Variants in ARHGEF7 observed in about 807,000 individuals in gnomAD.
ARHGEF7 encodes Rho guanine nucleotide exchange factor 7.
Under a neutral mutation model 109.8 loss-of-function variants are expected in ARHGEF7, and 33 were observed. The ratio of observed to expected loss-of-function variants is 0.30; its 90% confidence interval spans 0.23 to 0.40. The LOEUF (loss-of-function observed/expected upper bound fraction) is 0.40. Ranked by LOEUF, ARHGEF7 falls within the 10% of genes least tolerant of loss-of-function variation. ARHGEF7 has a pLI of 1.00. For synonymous variants in ARHGEF7, 458 were observed against 424.6 expected (o/e 1.08, Z -0.97); for missense variants, 938 against 1,098.5 (o/e 0.85, Z 2.07).
chr13:111,239,976 G>A lies in ARHGEF7; in HGVS notation c.760-3896G>A, dbSNP rs2087481793. On this transcript the variant is annotated intron_variant, in intron 6 of 21. Transcript: ENST00000646102. This position sits in a 1 kb window ranked among gnomAD's most constrained non-coding sequence, Gnocchi z 4.3. ...AGACTCTACATTGGGCTGGAAGGTC[G>A]AAGGGTGACTGGCTAGATGCCTTCC... Among the ~76,000 whole-genome samples, 2 of 152,172 alleles carry A rather than the reference G, an allele frequency of 1.3e-5. No individual in the cohort carries two copies. Among genetic ancestry groups the A allele is most frequent in the South Asian group, 2.1e-4 (1 of 4,824 alleles).
chr13:111,252,106 G>A lies in ARHGEF7; in HGVS notation c.950+7812G>A, dbSNP rs774535595. The stretch of plus-strand genomic sequence containing the variant: ...TGATTTGCTTAGCACTGGGGCAGAA[G>A]CCTAGATGGCATTCCATAGAAAGCA... On this transcript the variant is annotated intron_variant, in intron 8 of 21. Coordinates refer to ENST00000646102, the MANE Select transcript of ARHGEF7 (RefSeq NM_001354046.2). Among the ~76,000 whole-genome samples, 171 of 152,218 alleles carry A rather than the reference G, an allele frequency of 1.1e-3. 1 individual carries two copies. The highest frequency in any genetic ancestry group is 1.0e-3 in the Non-Finnish European group (71 of 68,040).
At chr13:111,283,091 C>T in intron 15 of ARHGEF7, 48 bp from the exon 16 acceptor site, 1 of 1,545,936 alleles carries the variant, frequency 6.5e-7, no homozygotes. Context: ...TCGCGGTGAG[C>T]ACGCGAGTCT....
Position 111,217,833 on chromosome 13 carries a change from G to A in ARHGEF7, c.623G>A (p.Arg208Gln), listed in dbSNP as rs200218776. The A allele has an allele frequency of 4.4e-4, 704 of 1,613,922 alleles. 1 individual carries two copies. The highest frequency in any genetic ancestry group is 3.9e-4 in the Non-Finnish European group (466 of 1,179,758). The change falls in exon 5 of 22, where the codon CGG (arginine) becomes CAG (glutamine). Residue 208 changes from arginine to glutamine, a missense_variant. By Grantham distance (43) the Arg-to-Gln change is conservative. Around this residue, in one of 4 missense-constraint regions of ARHGEF7, gnomAD observed 585 missense variants for 723.6 expected, o/e 0.81. Coordinates refer to ENST00000646102, the MANE Select transcript of ARHGEF7 (RefSeq NM_001354046.2). Reference sequence around the variant, plus strand: ...TGGTGGGAGGGCACACTCAACGGCCGGACCGGCTGGTTCCCCAGCAACTAC... The same window carrying A: ...TGGTGGGAGGGCACACTCAACGGCCAGACCGGCTGGTTCCCCAGCAACTAC... ...GGWWEGTLNG[R>Q]TGWFPSNYVR...
chr13:111,138,969 C>A (rs945041826), intron 1 of ARHGEF7, among the ~76,000 whole-genome samples: 1 of 152,024 alleles, frequency 6.6e-6, no homozygotes, highest in Non-Finnish European at 1.5e-5. Context: ...AATCACCTGA[C>A]AAGGATTTCC....
chr13:111,246,516 T>G (rs1746272742), intron 8 of ARHGEF7, among the ~76,000 whole-genome samples: 1 of 152,196 alleles, frequency 6.6e-6, no homozygotes, highest in Admixed American at 6.5e-5. Context: ...ACTATCGATA[T>G]GGCAAGGAAA....
chr13:111,163,735 A>G (rs1054394905), intron 2 of ARHGEF7, among the ~76,000 whole-genome samples: 1 of 152,008 alleles, frequency 6.6e-6, no homozygotes, highest in African/African-American at 2.4e-5. Flanking sequence ...AGGTTTTGCC[A>G]TGTTGCCCAG....
At chr13:111,289,388 G>A (rs2093172686) in intron 18 of ARHGEF7, among the ~76,000 whole-genome samples, 1 of 152,170 alleles carries the variant, frequency 6.6e-6, no homozygotes, top group Admixed American at 6.5e-5. Context: ...GTGAAGCACA[G>A]CAGGGTGGCG....
chr13:111,298,829 G>T (rs1315278955), intron 19 of ARHGEF7, among the ~76,000 whole-genome samples: 1 of 152,218 alleles, frequency 6.6e-6, no homozygotes, highest in Non-Finnish European at 1.5e-5. Context: ...GCATGAGGGG[G>T]AGGGAGGGTC....
chr13:111,265,873 C>T (rs1212887595), intron 8 of ARHGEF7, among the ~76,000 whole-genome samples: 1 of 152,142 alleles, frequency 6.6e-6, no homozygotes, highest in Non-Finnish European at 1.5e-5. Flanking sequence ...ACCTCCAGAG[C>T]TGTGGGCAGT....
chr13:111,154,837 G>C (rs925450613), intron 2 of ARHGEF7, among the ~76,000 whole-genome samples: 1 of 152,018 alleles, frequency 6.6e-6, no homozygotes, highest in African/African-American at 2.4e-5. Context: ...AAGTCCTGCC[G>C]TTTATGTTGC....
intron 2 of ARHGEF7, among the ~76,000 whole-genome samples, chr13:111,166,633 A>G (rs1402476219): frequency 6.6e-6 from 1 of 152,222 alleles, no homozygotes; most frequent in Non-Finnish European, 1.5e-5. Context: ...TGGGGTATGC[A>G]GGAGAGGAGT....
chr13:111,149,508 A>C (rs929573180), intron 1 of ARHGEF7, among the ~76,000 whole-genome samples: 1 of 152,258 alleles, frequency 6.6e-6, no homozygotes, highest in African/African-American at 2.4e-5. Context: ...GACAAATGCA[A>C]CACTGCTCTG....
Position 111,151,948 on chromosome 13 carries a change from T to G in ARHGEF7, c.166-1957T>G, listed in dbSNP as rs117981072. Among the ~76,000 whole-genome samples the G allele has an allele frequency of 3.0e-4, 45 of 152,266 alleles. No homozygotes were observed. The East Asian group carries it at 7.3e-3, about 25-fold the overall frequency. On this transcript the variant is annotated intron_variant, in intron 1 of 21. Transcript: ENST00000646102. ...GAACGTGTACATAAGGTGATCCAAA[T>G]TTTTCACTGTTCTGCTTGTGTCCAT...
intron 6 of ARHGEF7, chr13:111,241,114 C>G: frequency 6.6e-7 from 1 of 1,508,874 alleles, no homozygotes; most frequent in Non-Finnish European, 8.8e-7. Flanking sequence ...GCACTTGCCT[C>G]TCCATGCCTC....
chr13:111,293,972 C>A, intron 19 of ARHGEF7: 1 of 985,410 alleles, frequency 1.0e-6, no homozygotes. Context: ...AAGCTAATGG[C>A]ACAGGAGACA....
intron 21 of ARHGEF7, among the ~76,000 whole-genome samples, chr13:111,302,554 C>G (rs1300324430): frequency 6.6e-6 from 1 of 152,196 alleles, no homozygotes; most frequent in Non-Finnish European, 1.5e-5. Context: ...CTCCTACGTC[C>G]GAGACATGCC....
At chr13:111,267,396 GCAACACAT>G in intron 8 of ARHGEF7, 144 bp from the exon 9 acceptor site, 3 of 970,194 alleles carry the variant, frequency 3.1e-6, no homozygotes, top group Admixed American at 2.5e-5. Context: ...ACTCAAGGCA[GCAACACAT>G]GTGTGCTGGG....
chr13:111,214,044 G>A (rs1271179102), intron 4 of ARHGEF7, among the ~76,000 whole-genome samples: 4 of 152,158 alleles, frequency 2.6e-5, no homozygotes, highest in Admixed American at 6.5e-5. Context: ...GGTATGTTGC[G>A]ACGTTTCACC....
intron 13 of ARHGEF7, 68 bp from the exon 14 acceptor site, chr13:111,280,204 T>C (rs1230442890): frequency 1.4e-6 from 2 of 1,472,794 alleles, no homozygotes; most frequent in Non-Finnish European, 1.9e-6. Flanking sequence ...ATATTGACTT[T>C]AATAATGGTA....
Sources: gnomAD v4.1 joint callset for allele counts (sites outside exome capture counted in the v4.1 genomes callset) on GRCh38, gnomAD v4.1.1 for gene constraint, gnomAD v4.1.1 regional missense constraint, Gnocchi (gnomAD v3.1) non-coding constraint, MANE v1.5 for transcripts, NCBI Gene and HGNC (gene_info 2026-07-23, HGNC 2026-07-21) for gene names.